The following TMEM87A variants were observed in gnomAD, a reference collection of about 807,000 sequenced individuals.
TMEM87A encodes transmembrane protein 87A.
TMEM87A carries 50 observed loss-of-function variants against 90.0 expected under a neutral mutation model. The observed-to-expected ratio is 0.56, with a 90% CI of 0.44 to 0.70. The LOEUF (loss-of-function observed/expected upper bound fraction) is 0.70. Among genes scored for constraint, TMEM87A ranks in the 30% least tolerant of loss-of-function variants. TMEM87A has a pLI of 0.00. For synonymous variants in TMEM87A, 226 were observed against 226.7 expected, an observed-to-expected ratio of 1.00 and a Z score of 0.03; for missense variants, 577 against 660.5, an observed-to-expected ratio of 0.87 and a Z score of 1.39.
chr15:42,218,176 A>G, intron 18 of TMEM87A, 147 bp downstream of exon 18: 15 of 825,340 alleles, frequency 1.8e-5, no homozygotes, highest in Non-Finnish European at 1.9e-5. Flanking sequence ...AATAAACCCA[A>G]TTAATTTTGT....
chr15:42,228,968 A>C (rs2050643089), intron 12 of TMEM87A, 148 bp from the exon 13 acceptor site: 77 of 547,462 alleles, frequency 1.4e-4, no homozygotes, highest in Middle Eastern at 4.6e-4. Flanking sequence ...ACTTAATCTC[A>C]CAAACACCTC....
At chr15:42,247,836 G>C (rs2051006947) in intron 6 of TMEM87A, among the ~76,000 whole-genome samples, 1 of 152,148 alleles carries the variant, frequency 6.6e-6, no homozygotes, top group Non-Finnish European at 1.5e-5. Context: ...GTCATTGGTA[G>C]CTTGATGGGG....
At chr15:42,225,038 T>C (rs1022634199) in intron 15 of TMEM87A, among the ~76,000 whole-genome samples, 1 of 152,378 alleles carries the variant, frequency 6.6e-6, no homozygotes, top group Non-Finnish European at 1.5e-5. Context: ...GTAAAAGTTC[T>C]TTCTCAATAG....
At chr15:42,225,064 C>T (rs2050564914) in intron 15 of TMEM87A, among the ~76,000 whole-genome samples, 1 of 152,130 alleles carries the variant, frequency 6.6e-6, no homozygotes, top group South Asian at 2.1e-4. Flanking sequence ...TTTCAGATCT[C>T]CTTTATTTTC....
intron 15 of TMEM87A, among the ~76,000 whole-genome samples, chr15:42,222,246 C>T (rs1239582898): frequency 7.9e-5 from 12 of 152,052 alleles, no homozygotes; most frequent in Non-Finnish European, 8.8e-5. Context: ...TTAGTAGAGA[C>T]GGGGTTTTTC....
chr15:42,270,666 C>T (rs1031919370), intron 2 of TMEM87A, among the ~76,000 whole-genome samples: 2 of 152,072 alleles, frequency 1.3e-5, no homozygotes, highest in South Asian at 2.1e-4. Context: ...AAAGACTGGA[C>T]CTAATAAAAG....
chr15:42,248,260 T>TG (rs2051015846), intron 6 of TMEM87A, among the ~76,000 whole-genome samples: 2 of 152,176 alleles, frequency 1.3e-5, no homozygotes, highest in East Asian at 3.8e-4. Flanking sequence ...TTTTCCTAAT[T>TG]GAATACACTT....
At chr15:42,223,146 G>A (rs771236547) in intron 15 of TMEM87A, among the ~76,000 whole-genome samples, 7 of 152,086 alleles carry the variant, frequency 4.6e-5, no homozygotes, top group African/African-American at 1.2e-4. Context: ...TAATCCCAGC[G>A]TTTTGGGAGG....
intron 3 of TMEM87A, among the ~76,000 whole-genome samples, chr15:42,267,318 A>G (rs898023198): frequency 6.6e-6 from 1 of 152,240 alleles, no homozygotes; most frequent in Non-Finnish European, 1.5e-5. Flanking sequence ...AAAAAAGTTC[A>G]TTAATATTTC....
Position 42,226,914 on chromosome 15 carries a change from A to G in TMEM87A, c.1300-5T>C, listed in dbSNP as rs1294165804. 6 of 1,613,320 alleles carry G rather than the reference A, an allele frequency of 3.7e-6. No homozygotes were observed. Among genetic ancestry groups the G allele is most frequent in the Non-Finnish European group, 5.1e-6 (6 of 1,179,510 alleles). On this transcript the variant is annotated splice_region_variant and splice_polypyrimidine_tract_variant and intron_variant, in intron 14 of 19. Transcript: ENST00000389834. Reference sequence around the variant, plus strand: ...TACCCACAGCTCCCGCCAGTCCTACAATACAGGGGAGAAGTACAACATTTA... The same window carrying G: ...TACCCACAGCTCCCGCCAGTCCTACGATACAGGGGAGAAGTACAACATTTA...
At chr15:42,253,993 C>A (rs2140967986) in intron 6 of TMEM87A, among the ~76,000 whole-genome samples, 1 of 152,208 alleles carries the variant, frequency 6.6e-6, no homozygotes, top group East Asian at 1.9e-4. Flanking sequence ...AGAGCCTGGG[C>A]TCTTAACTAC....
intron 6 of TMEM87A, chr15:42,259,041 C>A: frequency 2.8e-6 from 2 of 724,240 alleles, no homozygotes; most frequent in East Asian, 2.7e-5. Flanking sequence ...TATTCCCATT[C>A]CTCTCTCCCA....
At position 42,240,442 on chromosome 15, in the gene TMEM87A, T is replaced by C. The variant is rs932344244; in HGVS notation, c.623-711A>G. Among the ~76,000 whole-genome samples, 5 of 152,144 alleles carry C rather than the reference T, an allele frequency of 3.3e-5. No individual in the cohort carries two copies. In the South Asian group the frequency reaches 1.0e-3, roughly 31 times the overall value. The stretch of plus-strand genomic sequence containing the variant: ...AAGGCAAAGCTCCATCCAATAAACA[T>C]AGAATTGAACTTCCCCAAAACCTGC... On this transcript the variant is annotated intron_variant, in intron 7 of 19. Transcript: ENST00000389834.
intron 10 of TMEM87A, among the ~76,000 whole-genome samples, chr15:42,235,962 A>G (rs554407616): frequency 2.0e-5 from 3 of 152,148 alleles, no homozygotes. Context: ...ATAGAAAAAT[A>G]TTTTCAGACA....
chr15:42,211,786 A>G (rs1157719724), intron 19 of TMEM87A, 37 bp from the exon 20 acceptor site: 1 of 1,579,256 alleles, frequency 6.3e-7, no homozygotes, highest in Non-Finnish European at 8.7e-7. Flanking sequence ...ATATTAGGTT[A>G]AAATGATCTA....
intron 3 of TMEM87A, among the ~76,000 whole-genome samples, chr15:42,266,288 G>A (rs1566942646): frequency 6.6e-6 from 1 of 152,198 alleles, no homozygotes; most frequent in Non-Finnish European, 1.5e-5. Flanking sequence ...GACTGAGGCA[G>A]GTGGATCACC....
chr15:42,226,311 A>ATT (rs558657588), intron 15 of TMEM87A, among the ~76,000 whole-genome samples: 7 of 137,156 alleles, frequency 5.1e-5, no homozygotes, highest in Non-Finnish European at 4.8e-5. Flanking sequence ...CTGTGTCGGT[A>ATT]TTTTTTTTTT....
At chr15:42,218,444 G>C in intron 17 of TMEM87A, 66 bp from the exon 18 acceptor site, 1 of 1,500,588 alleles carries the variant, frequency 6.7e-7, no homozygotes, top group South Asian at 1.2e-5. Context: ...GTAAGGACAT[G>C]AAGGTCTTAA....
chr15:42,244,912 T>C (rs918651324), intron 6 of TMEM87A, among the ~76,000 whole-genome samples: 1 of 151,522 alleles, frequency 6.6e-6, no homozygotes, highest in African/African-American at 2.4e-5. Flanking sequence ...GAAACGTTTA[T>C]CCAGAGATCT....
Sources: allele counts gnomAD v4.1 joint callset (sites outside exome capture counted in the v4.1 genomes callset), GRCh38; gene constraint gnomAD v4.1.1; transcripts MANE v1.5; gene names NCBI Gene and HGNC (gene_info 2026-07-23, HGNC 2026-07-21).